Variants in DCAF6 observed in about 807,000 individuals in gnomAD.
DCAF6 encodes the protein DDB1 and CUL4 associated factor 6, also known as DDB1- and CUL4-associated factor 6.
DCAF6 carries 54 observed loss-of-function variants against 125.1 expected under a neutral mutation model. The observed-to-expected ratio is 0.43, with a 90% CI of 0.35 to 0.54. The LOEUF is 0.54. Among genes scored for constraint, DCAF6 ranks in the 20% least tolerant of loss-of-function variants. DCAF6 has a pLI of 0.01. For missense variants in DCAF6, 934 were observed against 1,161.7 expected (o/e 0.80, Z 2.85); for synonymous variants, 371 against 390.4 (o/e 0.95, Z 0.58).
chr1:167,970,110 A>G (rs938566764), intron 3 of DCAF6, among the ~76,000 whole-genome samples: 2 of 152,200 alleles, frequency 1.3e-5, no homozygotes, highest in African/African-American at 2.4e-5. Flanking sequence ...ATTTCCTGAA[A>G]TAATGTATAT....
chr1:167,892,731 G>T, the DCAF6 span, among the ~76,000 whole-genome samples: 1 of 152,178 alleles, frequency 6.6e-6, no homozygotes, highest in Non-Finnish European at 1.5e-5. Context: ...CTCTATGAAG[G>T]CAGCTACCCA....
the DCAF6 span, among the ~76,000 whole-genome samples, chr1:167,873,851 T>C: frequency 2.6e-5 from 4 of 152,204 alleles, no homozygotes; most frequent in African/African-American, 9.7e-5. Flanking sequence ...TTTGATTACA[T>C]TAAAGTTAAG....
chr1:168,066,710 G>T (rs1572170882), intron 20 of DCAF6, among the ~76,000 whole-genome samples: 1 of 152,054 alleles, frequency 6.6e-6, no homozygotes, highest in South Asian at 2.1e-4. Flanking sequence ...GTGTATAGTA[G>T]TTTAAGAAAA....
At chr1:167,983,291 G>A (rs897590410) in intron 4 of DCAF6, among the ~76,000 whole-genome samples, 4 of 152,112 alleles carry the variant, frequency 2.6e-5, no homozygotes, top group Admixed American at 6.6e-5. Context: ...CTTCCAATCC[G>A]TGAGCATGAA....
At chr1:167,883,754 G>T in the DCAF6 span, 1 of 833,574 alleles carries the variant, frequency 1.2e-6, no homozygotes, top group Non-Finnish European at 2.0e-6. Flanking sequence ...GGTACAACAT[G>T]ACAGAGCCAG....
chr1:167,943,218 T>C (rs1337297559), intron 1 of DCAF6, among the ~76,000 whole-genome samples: 1 of 152,130 alleles, frequency 6.6e-6, no homozygotes, highest in East Asian at 1.9e-4. Context: ...CGAAATTTGG[T>C]CTTTTTTAAA....
At chr1:167,898,580 C>T in the DCAF6 span, among the ~76,000 whole-genome samples, 72 of 138,960 alleles carry the variant, frequency 5.2e-4, no homozygotes, top group Non-Finnish European at 1.0e-3. Context: ...GCCTGGTCAA[C>T]AGAGCGAGAC....
rs777184622 is a variant in DCAF6, at chr1:167,996,225, T to C, written c.903+2785T>C. Among the ~76,000 whole-genome samples the C allele has an allele frequency of 2.6e-5, 4 of 152,000 alleles. 1 individual carries two copies. In the South Asian group the frequency reaches 6.2e-4, roughly 24 times the overall value. ...TCTTTGGTTCATTCTTTTGTCTTAATTTTTTTTGTACTTTCTGTTTTCCCT... is the reference window on the plus strand; with the variant it reads ...TCTTTGGTTCATTCTTTTGTCTTAACTTTTTTTGTACTTTCTGTTTTCCCT... On this transcript the variant is annotated intron_variant, in intron 7 of 21. Transcript: ENST00000367840.
At chr1:168,054,669 T>A (rs1690380678) in intron 17 of DCAF6, among the ~76,000 whole-genome samples, 1 of 152,216 alleles carries the variant, frequency 6.6e-6, no homozygotes, top group Non-Finnish European at 1.5e-5. Flanking sequence ...AATTTATAAT[T>A]TAAATGTAAA....
chr1:167,918,024 T>C, the DCAF6 span: 12 of 242,294 alleles, frequency 5.0e-5, no homozygotes, highest in Non-Finnish European at 8.7e-5. Flanking sequence ...GTGTGTTCTT[T>C]TATGTACATA....
chr1:167,958,364 TTATC>T (rs1290839837), intron 2 of DCAF6, among the ~76,000 whole-genome samples: 1 of 151,676 alleles, frequency 6.6e-6, no homozygotes, highest in Non-Finnish European at 1.5e-5. Context: ...TTGGTGGCGA[TTATC>T]TAGTTGTCTC....
chr1:167,964,006 T>C (rs916077240), intron 2 of DCAF6, among the ~76,000 whole-genome samples: 6 of 152,236 alleles, frequency 3.9e-5, no homozygotes, highest in Non-Finnish European at 7.3e-5. Flanking sequence ...TTTTTGTATA[T>C]GTGCTAGATA....
chr1:167,881,870 G>C, the DCAF6 span, among the ~76,000 whole-genome samples: 1 of 152,328 alleles, frequency 6.6e-6, no homozygotes, highest in Admixed American at 6.5e-5. Flanking sequence ...CAGTATTGAA[G>C]AAGGTACTGG....
intron 17 of DCAF6, among the ~76,000 whole-genome samples, chr1:168,052,109 A>G (rs1197676885): frequency 2.0e-5 from 3 of 152,046 alleles, no homozygotes; most frequent in Non-Finnish European, 4.4e-5. Context: ...GTCTCAAACT[A>G]CTGACATCAA....
In DCAF6 at chr1:167,991,427, G is replaced by GT. The variant is rs533166219; in HGVS notation, c.688+90dup. ...TTTTCAGTTTTAAAATTTCTTGTTT[G>GT]TTATAAAATTTCAGAAAATAGTATT... On this transcript the variant is annotated intron_variant, in intron 6 of 21. Transcript: ENST00000367840. The GT allele has an allele frequency of 1.7e-4, 227 of 1,318,746 alleles. 4 individuals carry two copies. In the South Asian group the frequency reaches 3.8e-3, roughly 22 times the overall value. The allele number at this position is 1,318,746 out of a possible 1,614,324, so 81.7% of individuals were successfully genotyped here.
chr1:168,071,495 G>C (rs1009656001), intron 21 of DCAF6, among the ~76,000 whole-genome samples: 3 of 152,088 alleles, frequency 2.0e-5, no homozygotes, highest in South Asian at 4.2e-4. Context: ...TTAGCTGGAC[G>C]TGATGGTGCA....
intron 4 of DCAF6, among the ~76,000 whole-genome samples, chr1:167,978,269 T>C (rs1678557208): frequency 6.6e-6 from 1 of 152,222 alleles, no homozygotes; most frequent in Non-Finnish European, 1.5e-5. Flanking sequence ...GAATATATAT[T>C]TGGTTATTTT....
intron 3 of DCAF6, among the ~76,000 whole-genome samples, chr1:167,970,188 G>C (rs536240585): frequency 8.5e-5 from 13 of 152,116 alleles, no homozygotes; most frequent in Non-Finnish European, 1.5e-4. Flanking sequence ...AATCACTTGG[G>C]TACCAAAGGA....
At chr1:167,953,427 A>G (rs1210908159) in intron 2 of DCAF6, among the ~76,000 whole-genome samples, 1 of 152,074 alleles carries the variant, frequency 6.6e-6, no homozygotes, top group African/African-American at 2.4e-5. Flanking sequence ...TAACAAACCA[A>G]TTTATTTGTT....
Sources: gnomAD v4.1 joint callset for allele counts (sites outside exome capture counted in the v4.1 genomes callset) on GRCh38, gnomAD v4.1.1 for gene constraint, MANE v1.5 for transcripts, NCBI Gene and HGNC (gene_info 2026-07-23, HGNC 2026-07-21) for gene names.